The following CADM2 variants were observed in gnomAD, a reference collection of about 807,000 sequenced individuals.
CADM2 encodes cell adhesion molecule 2, also known as immunoglobulin superfamily member 4D.
CADM2 carries 12 observed loss-of-function variants against 49.8 expected under a neutral mutation model. The ratio of observed to expected loss-of-function variants is 0.24; its 90% CI spans 0.15 to 0.39. The LOEUF is 0.39. Ranked by LOEUF, CADM2 falls within the 10% of genes least tolerant of loss-of-function variation. The pLI is 1.00. For missense variants in CADM2, 378 were observed against 492.3 expected (o/e 0.77, Z 2.20); for synonymous variants, 214 against 175.4 (o/e 1.22, Z -1.74).
intron 8 of CADM2, among the ~76,000 whole-genome samples, chr3:86,049,724 G>T (rs1207767327): frequency 2.0e-5 from 3 of 152,068 alleles, no homozygotes; most frequent in African/African-American, 4.8e-5. Flanking sequence ...GAAGGTGAGG[G>T]TCGGTGCTAC....
At chr3:85,568,488 T>A (rs1480408196) in intron 1 of CADM2, among the ~76,000 whole-genome samples, 1 of 65,760 alleles carries the variant, frequency 1.5e-5, no homozygotes, top group African/African-American at 3.7e-5. Context: ...TCTTTCTTTC[T>A]TTCTTTCTTT....
chr3:85,733,045 G>A (rs1275823918), intron 2 of CADM2, among the ~76,000 whole-genome samples: 1 of 152,128 alleles, frequency 6.6e-6, no homozygotes, highest in African/African-American at 2.4e-5. Context: ...AGAATATATT[G>A]GACCAGCTTA....
chr3:85,989,403 G>A (rs553320363), intron 8 of CADM2, among the ~76,000 whole-genome samples: 2 of 152,260 alleles, frequency 1.3e-5, no homozygotes, highest in South Asian at 4.1e-4. Context: ...GCCAGTATCA[G>A]AACCTCAAGA....
At chr3:85,958,015 C>A (rs1167563458) in intron 7 of CADM2, among the ~76,000 whole-genome samples, 1 of 151,944 alleles carries the variant, frequency 6.6e-6, no homozygotes, top group Non-Finnish European at 1.5e-5. Context: ...AGGAAACCTA[C>A]AGAATGGGAG....
intron 1 of CADM2, among the ~76,000 whole-genome samples, chr3:85,107,566 C>T (rs1264412138): frequency 1.6e-5 from 2 of 123,640 alleles, no homozygotes; most frequent in Non-Finnish European, 4.2e-5. Context: ...TCTTTCTTCT[C>T]TCTTTCTCTC....
At chr3:85,274,359 G>A (rs767491097) in intron 1 of CADM2, among the ~76,000 whole-genome samples, 1 of 151,474 alleles carries the variant, frequency 6.6e-6, no homozygotes, top group African/African-American at 2.4e-5. Context: ...ATGTGATGAT[G>A]TCCAACAGTA....
chr3:85,437,517 G>A (rs2036987785), intron 1 of CADM2, among the ~76,000 whole-genome samples: 1 of 152,064 alleles, frequency 6.6e-6, no homozygotes, highest in Non-Finnish European at 1.5e-5. Context: ...GCATTTTGGT[G>A]TTTCAGTGGT....
At chr3:85,071,774 A>C (rs2036752439) in intron 1 of CADM2, among the ~76,000 whole-genome samples, 1 of 152,048 alleles carries the variant, frequency 6.6e-6, no homozygotes, top group Non-Finnish European at 1.5e-5. Flanking sequence ...AAATAAAAGC[A>C]ACAGAATCCA....
In CADM2 at chr3:85,716,249, A is replaced by G. The variant is rs569515265; in HGVS notation, c.62-10273A>G. 4.6e-5 allele frequency among the ~76,000 whole-genome samples: 7 copies of G among 152,318 alleles called. No individual in the cohort carries two copies. The East Asian group carries it at 1.2e-3, about 25-fold the overall frequency. ...TGTGGTTTTGATTTGCATTTCTCTAATGACCAATGATGATGAGCTTTTCTT... is the reference window on the plus strand; with the variant it reads ...TGTGGTTTTGATTTGCATTTCTCTAGTGACCAATGATGATGAGCTTTTCTT... On this transcript the variant is annotated intron_variant, in intron 1 of 9. Coordinates refer to ENST00000383699, the MANE Select transcript of CADM2 (RefSeq NM_001167675.2).
At chr3:85,409,904 T>G (rs529572651) in intron 1 of CADM2, among the ~76,000 whole-genome samples, 2 of 152,120 alleles carry the variant, frequency 1.3e-5, no homozygotes, top group Non-Finnish European at 2.9e-5. Flanking sequence ...GGTTTGAAAG[T>G]ACAAAAATCT....
chr3:85,666,318 C>A (rs537678494), intron 1 of CADM2, among the ~76,000 whole-genome samples: 7 of 151,858 alleles, frequency 4.6e-5, no homozygotes, highest in Non-Finnish European at 7.4e-5. Flanking sequence ...ATTGTTGCAG[C>A]CTTTGTTATT....
At chr3:85,229,954 G>A (rs776008989) in intron 1 of CADM2, among the ~76,000 whole-genome samples, 58 of 152,272 alleles carry the variant, frequency 3.8e-4, no homozygotes, top group Admixed American at 1.2e-3. Context: ...ACTGATATTT[G>A]TAAGATAACT....
chr3:85,369,965 T>A (rs1328082305), intron 1 of CADM2, among the ~76,000 whole-genome samples: 3 of 151,634 alleles, frequency 2.0e-5, no homozygotes, highest in Non-Finnish European at 4.4e-5. Flanking sequence ...AAGAGATGTT[T>A]TTAATTAAAA....
intron 8 of CADM2, among the ~76,000 whole-genome samples, chr3:86,032,086 C>CT (rs1734627541): frequency 6.6e-6 from 1 of 151,498 alleles, no homozygotes; most frequent in Admixed American, 6.6e-5. Context: ...TTTTCCTTTA[C>CT]TTTTTAAATT....
chr3:85,464,028 C>T (rs960005929), intron 1 of CADM2, among the ~76,000 whole-genome samples: 21 of 152,114 alleles, frequency 1.4e-4, no homozygotes, highest in Non-Finnish European at 2.1e-4. Flanking sequence ...ATATGTAATT[C>T]TCTCCATGAT....
intron 1 of CADM2, among the ~76,000 whole-genome samples, chr3:85,295,702 ACACT>A (rs1316460253): frequency 6.6e-6 from 1 of 150,944 alleles, no homozygotes; most frequent in African/African-American, 2.4e-5. Context: ...AAAAAACCAA[ACACT>A]CACAGGTGGG....
intron 1 of CADM2, among the ~76,000 whole-genome samples, chr3:85,178,622 G>T (rs577708166): frequency 5.2e-4 from 79 of 151,958 alleles, no homozygotes; most frequent in Non-Finnish European, 9.0e-4. Flanking sequence ...TTTTGGTCAT[G>T]TTTAAAATCA....
intron 1 of CADM2, among the ~76,000 whole-genome samples, chr3:85,094,349 C>A (rs771632062): frequency 1.3e-5 from 2 of 152,086 alleles, no homozygotes; most frequent in Admixed American, 6.6e-5. Context: ...ATTGTCCTTT[C>A]ACGACGTTAA....
rs1295856212 is a variant in CADM2 at position 85,743,123 on chromosome 3, C to T, written c.88+16575C>T. Among the ~76,000 whole-genome samples the T allele has an allele frequency of 2.0e-5, 3 of 152,240 alleles. No homozygotes were observed. The East Asian group carries it at 5.8e-4, about 29-fold the overall frequency. On this transcript the variant is annotated intron_variant, in intron 2 of 9. Coordinates refer to ENST00000383699, the MANE Select transcript of CADM2 (RefSeq NM_001167675.2). ...GTGGTTTCCCACTGACCTCTTTCAG[C>T]TTGAAAAGGTTCTATCTATTGCTGA... is the stretch of plus-strand genomic sequence containing the variant.
Sources: gnomAD v4.1 joint callset for allele counts (sites outside exome capture counted in the v4.1 genomes callset) on GRCh38, gnomAD v4.1.1 for gene constraint, MANE v1.5 for transcripts, NCBI Gene and HGNC (gene_info 2026-07-23, HGNC 2026-07-21) for gene names.